The following CBX8 variants were observed in gnomAD, a reference collection of about 807,000 sequenced individuals.
The protein encoded by CBX8 is chromobox protein homolog 8.
In CBX8, 8 loss-of-function variants were observed where a neutral mutation model predicts 39.7. The observed-to-expected ratio is 0.20, with a 90% CI of 0.12 to 0.36. The LOEUF is 0.36. Among genes scored for constraint, CBX8 ranks in the 10% least tolerant of loss-of-function variants. The pLI is 1.00. For synonymous variants in CBX8, 268 were observed against 219.8 expected, an observed-to-expected ratio of 1.22 and a Z score of -1.94; for missense variants, 505 against 529.6, an observed-to-expected ratio of 0.95 and a Z score of 0.46.
chr17:79,796,892 C>T (rs1447157662), intron 1 of CBX8, 38 bp downstream of exon 1: 1 of 1,562,290 alleles, frequency 6.4e-7, no homozygotes, highest in East Asian at 2.4e-5. Context: ...GAGGGGAGGG[C>T]CCGGCCGCAC....
chr17:79,796,849 T>C, intron 1 of CBX8, 81 bp downstream of exon 1: 1 of 1,291,376 alleles, frequency 7.7e-7, no homozygotes, highest in South Asian at 1.3e-5. Flanking sequence ...GAAGGGAAGC[T>C]GGGCTGCAGC....
rs1908026697 is a variant in CBX8 at position 79,795,178 on chromosome 17, G to T, written c.627C>A (p.Asp209Glu). 3 of 1,613,596 alleles carry T rather than the reference G, an allele frequency of 1.9e-6. No individual in the cohort carries two copies. The highest frequency in any genetic ancestry group is 2.7e-5 in the African/African-American group (2 of 75,078). Residue 209 changes from aspartate (D) to glutamate (E), a missense_variant, in exon 5 of 5, where the codon GAC becomes GAA. Transcript: ENST00000269385. The surrounding 1 kb of genome is among the most constrained non-coding windows in gnomAD (Gnocchi z 5.8). ...GTTCGCCTAAGGGCCTCTGTGAGGG[G>T]TCCGGGAGCTCCTTCCGGGGCTTGG... The part of the protein sequence containing the change: ...RGPKPRKELP[D>E]PSQRPLGEPS...
rs1908069920 is a variant in CBX8 at position 79,795,892 on chromosome 17, CAGTT to C, written c.246+161_246+164del. On this transcript the variant is annotated intron_variant, in intron 4 of 4. Coordinates refer to ENST00000269385, the MANE Select transcript of CBX8 (RefSeq NM_020649.3). The surrounding 1 kb of genome is among the most constrained non-coding windows in gnomAD (Gnocchi z 5.8). The stretch of plus-strand genomic sequence containing the variant: ...GTGGCCAAGCCCGTCCCCCCAGACA[CAGTT>C]GGTGCTGCTACTGACTTGGTGACAT... Among the ~76,000 whole-genome samples, 1 of 152,184 alleles carries C rather than the reference CAGTT, an allele frequency of 6.6e-6. No homozygotes were observed. The highest frequency in any genetic ancestry group is 1.5e-5 in the Non-Finnish European group (1 of 68,030).
rs1908124213 is a variant in CBX8 at position 79,797,026 on chromosome 17, G to A, written c.-28C>T. 4 of 1,597,168 alleles carry A rather than the reference G, an allele frequency of 2.5e-6. No individual in the cohort carries two copies. The highest frequency in any genetic ancestry group is 1.7e-5 in the Admixed American group (1 of 58,762). ...TGACTCGCCGCTTCCCCCCTTGGCCGCTTCCAGGAGCAGAAAAGCAGCAGC... is the reference window on the plus strand; with the variant it reads ...TGACTCGCCGCTTCCCCCCTTGGCCACTTCCAGGAGCAGAAAAGCAGCAGC... On this transcript the variant is annotated 5_prime_UTR_variant, in exon 1 of 5. Coordinates refer to ENST00000269385, the MANE Select transcript of CBX8 (RefSeq NM_020649.3).
Position 79,793,041 on chromosome 17 carries a change from G to A in CBX8, c.*1594C>T, listed in dbSNP as rs1313765286. 6.6e-6 allele frequency: 1 copy of A among 152,242 alleles called. No individual in the cohort carries two copies. The highest frequency in any genetic ancestry group is 2.4e-5 in the African/African-American group (1 of 41,450). The allele number at this position is 152,242 out of a possible 1,614,324, so 9.4% of individuals were successfully genotyped here. A position where few individuals can be genotyped will look rare whatever the true frequency, so the allele number is the denominator to read the frequency against. On this transcript the variant is annotated 3_prime_UTR_variant, in exon 5 of 5. Coordinates refer to ENST00000269385, the MANE Select transcript of CBX8 (RefSeq NM_020649.3). ...GGCGGGGAGGGCAGGGAGGCTGCGG[G>A]ATCCGTGCTCCAAGAGACGGGGGTG...
rs866445310 is a variant in CBX8 at position 79,795,291 on chromosome 17, G to A, written c.514C>T (p.Arg172Trp). ...RERERERERE[R>W]ERERERERGT... ...CGCTCTCGTTCCCTCTCACGTTCCC[G>A]CTCCCTCTCTCGCTCCCTCTCCCTT... The change falls in exon 5 of 5, where the codon CGG (arginine) becomes TGG (tryptophan). Residue 172 changes from arginine to tryptophan, a missense_variant. This residue lies in a region of CBX8 where 456 missense variants were observed against 389.2 expected (regional missense o/e 1.17). Transcript: ENST00000269385. This position sits in a 1 kb window ranked among gnomAD's most constrained non-coding sequence, Gnocchi z 5.8. 3.9e-5 allele frequency: 62 copies of A among 1,595,814 alleles called. No homozygotes were observed. The Admixed American group carries it at 8.9e-4, about 23-fold the overall frequency.
chr17:79,796,346 G>GCTC (rs755438399), intron 2 of CBX8, 31 bp from the exon 3 acceptor site: 1 of 1,611,760 alleles, frequency 6.2e-7, no homozygotes, highest in Admixed American at 1.7e-5. Flanking sequence ...GTGGGCATCA[G>GCTC]TCCCAGGAGC....
chr17:79,795,609 C>G lies in CBX8; in HGVS notation c.247-51G>C. On this transcript the variant is annotated intron_variant, in intron 4 of 4. Transcript: ENST00000269385. The surrounding 1 kb of genome is among the most constrained non-coding windows in gnomAD (Gnocchi z 5.8). ...AGTGGGGCAGGGCCCTGTCCACCCCCACAGGACTCCTCCTCTATCCCTGAC... is the reference window on the plus strand; with the variant it reads ...AGTGGGGCAGGGCCCTGTCCACCCCGACAGGACTCCTCCTCTATCCCTGAC... 3 of 1,392,780 alleles carry G rather than the reference C, an allele frequency of 2.2e-6. No individual in the cohort carries two copies. Among genetic ancestry groups the G allele is most frequent in the Non-Finnish European group, 2.9e-6 (3 of 1,052,334 alleles). The allele number at this position is 1,392,780 out of a possible 1,614,324, so 86.3% of individuals were successfully genotyped here.
rs1347287444 is a variant in CBX8 at position 79,795,422 on chromosome 17, C to T, written c.383G>A (p.Gly128Asp). The change falls in exon 5 of 5, where the codon GGT becomes GAT. Residue 128 changes from glycine (G) to aspartate (D), a missense_variant. Coordinates refer to ENST00000269385, the MANE Select transcript of CBX8 (RefSeq NM_020649.3). The surrounding 1 kb of genome is among the most constrained non-coding windows in gnomAD (Gnocchi z 5.8). ...GGTGCTGCTCGCTGGCGGGGACAAA[C>T]CCATGTTTCGAAGGCCCTCCCGGGC... ...SRAREGLRNM[G>D]LSPPASSTST... is the part of the protein sequence containing the mutation. 5 of 1,605,072 alleles carry T rather than the reference C, an allele frequency of 3.1e-6. No individual in the cohort carries two copies. The highest frequency in any genetic ancestry group is 3.4e-5 in the Admixed American group (2 of 58,762).
chr17:79,795,990 C>A lies in CBX8; in HGVS notation c.246+67G>T. 6.8e-7 allele frequency: 1 copy of A among 1,480,612 alleles called. No individual in the cohort carries two copies. The highest frequency in any genetic ancestry group is 1.1e-5 in the South Asian group (1 of 87,036). 91.7% of individuals were successfully genotyped at this position (1,480,612 alleles called of 1,614,324 possible). A position where few individuals can be genotyped will look rare whatever the true frequency, so the allele number is the denominator to read the frequency against. On this transcript the variant is annotated intron_variant, in intron 4 of 4. Transcript: ENST00000269385. The surrounding 1 kb of genome is among the most constrained non-coding windows in gnomAD (Gnocchi z 5.8). Reference sequence around the variant, plus strand: ...GTGGACACCCCATTGGCTCACAGCCCTCAGAGCCCCCTTCCCACAAATCAC... The same window carrying A: ...GTGGACACCCCATTGGCTCACAGCCATCAGAGCCCCCTTCCCACAAATCAC...
At chr17:79,796,739 C>A (rs1908108234) in intron 1 of CBX8, among the ~76,000 whole-genome samples, 191 bp downstream of exon 1, 1 of 135,542 alleles carries the variant, frequency 7.4e-6, no homozygotes, top group South Asian at 2.8e-4. Flanking sequence ...GCCCCCCACC[C>A]ATGCAATCCG....
Position 79,795,264 on chromosome 17 carries a change from C to T in CBX8, c.541G>A (p.Gly181Ser). Residue 181 changes from glycine (G) to serine (S), a missense_variant, in exon 5 of 5, where the codon GGT (glycine) becomes AGT (serine). Physicochemically the swap from Gly to Ser is moderately conservative, Grantham distance 56. Around this residue, in one of 3 missense-constraint regions of CBX8, gnomAD observed 456 missense variants for 389.2 expected, o/e 1.17. Coordinates refer to ENST00000269385, the MANE Select transcript of CBX8 (RefSeq NM_020649.3). This position sits in a 1 kb window ranked among gnomAD's most constrained non-coding sequence, Gnocchi z 5.8. ...ERERERERER[G>S]TSRVDDKPSS... is the part of the protein sequence containing the mutation. The stretch of plus-strand genomic sequence containing the variant: ...GGCTTGTCATCCACTCTGCTGGTAC[C>T]CCGCTCTCGTTCCCTCTCACGTTCC... The T allele has an allele frequency of 1.2e-6, 2 of 1,610,446 alleles. No homozygotes were observed. Among genetic ancestry groups the T allele is most frequent in the African/African-American group, 1.3e-5 (1 of 75,034 alleles).
Position 79,795,043 on chromosome 17 carries a change from C to G in CBX8, c.762G>C (p.Gln254His). The change falls in exon 5 of 5, where the codon CAG becomes CAC. Residue 254 changes from glutamine to histidine, a missense_variant. Physicochemically the swap from Gln to His is conservative, Grantham distance 24 (BLOSUM62 0). Around this residue, in one of 3 missense-constraint regions of CBX8, gnomAD observed 456 missense variants for 389.2 expected, o/e 1.17. Coordinates refer to ENST00000269385, the MANE Select transcript of CBX8 (RefSeq NM_020649.3). The surrounding 1 kb of genome is among the most constrained non-coding windows in gnomAD (Gnocchi z 5.8). ...GHSVIQLARRQDSDLVQCGVT... is the reference protein window; with the variant it reads ...GHSVIQLARRHDSDLVQCGVT... Reference sequence around the variant, plus strand: ...CACCACACTGCACCAGGTCCGAGTCCTGTCTTCGGGCCAGCTGGATCACAC... The same window carrying G: ...CACCACACTGCACCAGGTCCGAGTCGTGTCTTCGGGCCAGCTGGATCACAC... The G allele has an allele frequency of 1.2e-6, 2 of 1,607,320 alleles. No individual in the cohort carries two copies. The highest frequency in any genetic ancestry group is 2.2e-5 in the South Asian group (2 of 89,876).
Position 79,795,392 on chromosome 17 carries a change from G to A in CBX8, c.413C>T (p.Thr138Ile). Residue 138 changes from threonine to isoleucine, a missense_variant, in exon 5 of 5, where the codon ACC (threonine) becomes ATC (isoleucine). Transcript: ENST00000269385. This position sits in a 1 kb window ranked among gnomAD's most constrained non-coding sequence, Gnocchi z 5.8. Reference protein sequence around the residue: ...GLSPPASSTSTSSTCRAEAPR... With the variant: ...GLSPPASSTSISSTCRAEAPR... ...GGCCTCTGCGCGGCAGGTGCTGCTG[G>A]TGCTGGTGCTGCTCGCTGGCGGGGA... The A allele has an allele frequency of 6.2e-7, 1 of 1,601,674 alleles. No homozygotes were observed. Among genetic ancestry groups the A allele is most frequent in the Non-Finnish European group, 8.5e-7 (1 of 1,175,116 alleles).
At position 79,794,691 on chromosome 17, in the gene CBX8, T is replaced by C; in HGVS notation, c.1114A>G (p.Thr372Ala). The C allele has an allele frequency of 6.3e-7, 1 of 1,596,096 alleles. No homozygotes were observed. Among genetic ancestry groups the C allele is most frequent in the Non-Finnish European group, 8.5e-7 (1 of 1,174,868 alleles). Residue 372 changes from threonine (T) to alanine (A), a missense_variant, in exon 5 of 5, where the codon ACC becomes GCC. Physicochemically the swap from Thr to Ala is moderately conservative, Grantham distance 58. Around this residue, in one of 3 missense-constraint regions of CBX8, gnomAD observed 17 missense variants for 39.0 expected, o/e 0.44. Transcript: ENST00000269385. ...GTGTTACTTTCCTTAATGGTGACGG[T>C]CAAAAAGTTTGAGGTCACGTCCGTG... ...VVTDVTSNFL[T>A]VTIKESNTDQ... is the part of the protein sequence containing the mutation.
Position 79,795,934 on chromosome 17 carries a change from C to A in CBX8, c.246+123G>T. ...GACTTGGTGACATCTTGTCAGGGAA[C>A]TCCCTCCTACATTACAAATAGGCAA... On this transcript the variant is annotated intron_variant, in intron 4 of 4. Coordinates refer to ENST00000269385, the MANE Select transcript of CBX8 (RefSeq NM_020649.3). The surrounding 1 kb of genome is among the most constrained non-coding windows in gnomAD (Gnocchi z 5.8). 1.2e-6 allele frequency: 1 copy of A among 859,442 alleles called. No homozygotes were observed. 53.2% of individuals were successfully genotyped at this position (859,442 alleles called of 1,614,324 possible). A position where few individuals can be genotyped will look rare whatever the true frequency, so the allele number is the denominator to read the frequency against.
chr17:79,793,272 G>C lies in CBX8; in HGVS notation c.*1363C>G, dbSNP rs1907943384. ...AGTTTGAATGTCGAGTTCAAATAGA[G>C]AACACTGCGAATCGAAAAGACCTAT... is the stretch of plus-strand genomic sequence containing the variant. On this transcript the variant is annotated 3_prime_UTR_variant, in exon 5 of 5. Coordinates refer to ENST00000269385, the MANE Select transcript of CBX8 (RefSeq NM_020649.3). 2 of 152,136 alleles carry C rather than the reference G, an allele frequency of 1.3e-5. No homozygotes were observed. The highest frequency in any genetic ancestry group is 4.8e-5 in the African/African-American group (2 of 41,416). The allele number at this position is 152,136 out of a possible 1,614,324, so 9.4% of individuals were successfully genotyped here.
At position 79,795,082 on chromosome 17, in the gene CBX8, A is replaced by G; in HGVS notation, c.723T>C (p.Phe241=). ...GCTGGATCACACTGTGGCCGGCTGG[A>G]AACTTTCCTGCCCCGGAAGGGGTGT... ...LDDTPSGAGK[F]PAGHSVIQLA... The change falls in exon 5 of 5, where the codon TTT becomes TTC. Residue 241 remains phenylalanine (F), a synonymous_variant. Coordinates refer to ENST00000269385, the MANE Select transcript of CBX8 (RefSeq NM_020649.3). This position sits in a 1 kb window ranked among gnomAD's most constrained non-coding sequence, Gnocchi z 5.8. 8.7e-6 allele frequency: 14 copies of G among 1,610,648 alleles called. No individual in the cohort carries two copies. The highest frequency in any genetic ancestry group is 1.2e-5 in the Non-Finnish European group (14 of 1,178,556).
rs1258976452 is a variant in CBX8 at position 79,792,153 on chromosome 17, TAAA to T, written c.*2479_*2481del. 1 of 152,224 alleles carries T rather than the reference TAAA, an allele frequency of 6.6e-6. No individual in the cohort carries two copies. The highest frequency in any genetic ancestry group is 1.5e-5 in the Non-Finnish European group (1 of 68,036). 9.4% of individuals were successfully genotyped at this position (152,224 alleles called of 1,614,324 possible). A position where few individuals can be genotyped will look rare whatever the true frequency, so the allele number is the denominator to read the frequency against. On this transcript the variant is annotated 3_prime_UTR_variant, in exon 5 of 5. Coordinates refer to ENST00000269385, the MANE Select transcript of CBX8 (RefSeq NM_020649.3). ...TGTCTCTATTTACAAAGTATATATT[TAAA>T]CACGTAAAAAGCGGTATTGGATACA...
Sources: gnomAD v4.1 joint callset for allele counts (sites outside exome capture counted in the v4.1 genomes callset) on GRCh38, gnomAD v4.1.1 for gene constraint, gnomAD v4.1.1 regional missense constraint, Gnocchi (gnomAD v3.1) non-coding constraint, MANE v1.5 for transcripts, NCBI Gene and HGNC (gene_info 2026-07-23, HGNC 2026-07-21) for gene names.